Variants in SPECC1L observed in about 807,000 individuals in gnomAD.
SPECC1L encodes sperm antigen with calponin homology and coiled-coil domains 1 like.
In SPECC1L, 40 loss-of-function variants were observed where a neutral mutation model predicts 116.8. The observed-to-expected ratio is 0.34, with a 90% confidence interval of 0.27 to 0.45. SPECC1L has a LOEUF of 0.45. Ranked by LOEUF, SPECC1L falls within the 20% of genes least tolerant of loss-of-function variation. SPECC1L has a pLI of 1.00. For missense variants in SPECC1L, 1,110 were observed against 1,373.6 expected (o/e 0.81, Z 3.03); for synonymous variants, 504 against 500.6 (o/e 1.01, Z -0.09).
At chr22:24,324,136 T>C (rs2040772991) in intron 5 of SPECC1L, 84 bp from the exon 6 acceptor site, 3 of 1,146,254 alleles carry the variant, frequency 2.6e-6, no homozygotes, top group Admixed American at 1.7e-5. Context: ...TAGCTCCCCT[T>C]GGAAACTGTG....
intron 14 of SPECC1L, among the ~76,000 whole-genome samples, chr22:24,402,692 G>A (rs902805240): frequency 2.6e-5 from 4 of 152,176 alleles, no homozygotes; most frequent in Non-Finnish European, 5.9e-5. Context: ...ATGAGGAAGT[G>A]GATGCTTGCA....
chr22:24,416,201 G>C lies in SPECC1L; in HGVS notation c.*1578G>C, dbSNP rs2042798228. The stretch of plus-strand genomic sequence containing the variant: ...GAAAGGGGCTGTGCATGTGGGTGCA[G>C]CTGGCGGCACACCTGGTCACCAGAT... On this transcript the variant is annotated 3_prime_UTR_variant, in exon 17 of 17. Coordinates refer to ENST00000314328, the MANE Select transcript of SPECC1L (RefSeq NM_015330.6). 1 of 152,280 alleles carries C rather than the reference G, an allele frequency of 6.6e-6. No homozygotes were observed. The highest frequency in any genetic ancestry group is 1.5e-5 in the Non-Finnish European group (1 of 68,054). 9.4% of individuals were successfully genotyped at this position (152,280 alleles called of 1,614,324 possible).
intron 4 of SPECC1L, among the ~76,000 whole-genome samples, chr22:24,320,711 T>G (rs557493913): frequency 3.3e-5 from 5 of 152,388 alleles, no homozygotes; most frequent in African/African-American, 2.4e-5. Context: ...GCTATTGTTA[T>G]AATTGTTATT....
At chr22:24,385,216 A>G (rs2146710470) in intron 14 of SPECC1L, among the ~76,000 whole-genome samples, 1 of 152,250 alleles carries the variant, frequency 6.6e-6, no homozygotes, top group East Asian at 1.9e-4. Flanking sequence ...AAAATCACAT[A>G]TTAGCAAAGT....
At chr22:24,341,289 A>T (rs1176443163) in intron 10 of SPECC1L, among the ~76,000 whole-genome samples, 1 of 152,244 alleles carries the variant, frequency 6.6e-6, no homozygotes, top group African/African-American at 2.4e-5. Flanking sequence ...CCCCACAAGG[A>T]TAATTTTCCA....
At chr22:24,277,404 A>T (rs2048857515) in intron 2 of SPECC1L, among the ~76,000 whole-genome samples, 1 of 152,256 alleles carries the variant, frequency 6.6e-6, no homozygotes, top group African/African-American at 2.4e-5. Context: ...CTTAAAATTC[A>T]GGCTTTTAAA....
chr22:24,322,258 G>A lies in SPECC1L; in HGVS notation c.1278G>A (p.Gln426=). 6.2e-7 allele frequency: 1 copy of A among 1,614,246 alleles called. No individual in the cohort carries two copies. Among genetic ancestry groups the A allele is most frequent in the Non-Finnish European group, 8.5e-7 (1 of 1,180,052 alleles). The change falls in exon 5 of 17, where the codon CAG becomes CAA. Residue 426 remains glutamine (Q), a synonymous_variant. Coordinates refer to ENST00000314328, the MANE Select transcript of SPECC1L (RefSeq NM_015330.6). ...TGCAAGAGCTAGCTGATTTACAGCA[G>A]ATTACCCAGGAACTGAATAGTGAAA... ...ATLQELADLQ[Q]ITQELNSENE...
chr22:24,395,971 A>C (rs2042360363), intron 14 of SPECC1L, among the ~76,000 whole-genome samples: 1 of 152,174 alleles, frequency 6.6e-6, no homozygotes, highest in Non-Finnish European at 1.5e-5. Flanking sequence ...ACGGATTAAA[A>C]AAAGGCTTTG....
chr22:24,361,726 G>A (rs905319077), intron 11 of SPECC1L, among the ~76,000 whole-genome samples: 1 of 152,194 alleles, frequency 6.6e-6, no homozygotes, highest in East Asian at 1.9e-4. Flanking sequence ...AGCCTGGGAG[G>A]CAGAGGTTGC....
chr22:24,353,738 C>T (rs1473538188), intron 11 of SPECC1L, among the ~76,000 whole-genome samples: 1 of 152,050 alleles, frequency 6.6e-6, no homozygotes, highest in Non-Finnish European at 1.5e-5. Context: ...AGGGATACTG[C>T]AGAGGTGATG....
At position 24,322,401 on chromosome 22, in the gene SPECC1L, A is replaced by G. The variant is rs767313233; in HGVS notation, c.1421A>G (p.His474Arg). The G allele has an allele frequency of 1.9e-6, 3 of 1,614,228 alleles. No individual in the cohort carries two copies. Among genetic ancestry groups the G allele is most frequent in the Non-Finnish European group, 2.5e-6 (3 of 1,180,040 alleles). The part of the protein sequence containing the change: ...EYFRSLLDEH[H>R]ISYVIDEDVK... Reference sequence around the variant, plus strand: ...TTCCGCTCTCTTCTAGATGAGCATCACATTTCTTATGTCATAGATGAAGAT... The same window carrying G: ...TTCCGCTCTCTTCTAGATGAGCATCGCATTTCTTATGTCATAGATGAAGAT... Residue 474 changes from histidine to arginine, a missense_variant, in exon 5 of 17, where the codon CAC (histidine) becomes CGC (arginine). Physicochemically the swap from His to Arg is conservative, Grantham distance 29 (BLOSUM62 0). Transcript: ENST00000314328.
At chr22:24,278,500 T>C (rs1222926752) in intron 2 of SPECC1L, among the ~76,000 whole-genome samples, 1 of 152,174 alleles carries the variant, frequency 6.6e-6, no homozygotes, top group Admixed American at 6.5e-5. Flanking sequence ...TAATATTGCA[T>C]AATATAAATA....
intron 14 of SPECC1L, among the ~76,000 whole-genome samples, chr22:24,374,466 T>C (rs1033944277): frequency 2.0e-5 from 3 of 152,092 alleles, no homozygotes; most frequent in Admixed American, 6.5e-5. Context: ...GTTCATGTCC[T>C]TTGTAGGGAC....
intron 6 of SPECC1L, among the ~76,000 whole-genome samples, chr22:24,326,421 A>G (rs1459880795): frequency 1.3e-5 from 2 of 152,184 alleles, no homozygotes; most frequent in African/African-American, 4.8e-5. Context: ...TTCCAGAGCC[A>G]TCCTTGCCTC....
intron 4 of SPECC1L, among the ~76,000 whole-genome samples, chr22:24,317,437 G>A (rs1321633382): frequency 2.4e-5 from 3 of 125,296 alleles, no homozygotes; most frequent in Non-Finnish European, 5.4e-5. Context: ...CCGGGCGGGG[G>A]GCTGACCCCC....
intron 14 of SPECC1L, among the ~76,000 whole-genome samples, chr22:24,392,384 T>G (rs1004836692): frequency 1.3e-5 from 2 of 152,270 alleles, no homozygotes; most frequent in Admixed American, 6.5e-5. Context: ...ATCATTGTTT[T>G]CTTGTGCTTC....
In SPECC1L at chr22:24,389,109, ATT is replaced by A. The variant is rs763818960; in HGVS notation, c.3087+19810_3087+19811del. ...AGTACTTCACTCCTTTCTATAACTGATTTTTTTTTTTTTTTTTTTTTTGGAGA... is the reference window on the plus strand; with the variant it reads ...AGTACTTCACTCCTTTCTATAACTGATTTTTTTTTTTTTTTTTTTTGGAGA... On this transcript the variant is annotated intron_variant, in intron 14 of 16. Coordinates refer to ENST00000314328, the MANE Select transcript of SPECC1L (RefSeq NM_015330.6). Among the ~76,000 whole-genome samples, 48 of 99,934 alleles carry A rather than the reference ATT, an allele frequency of 4.8e-4. 1 individual carries two copies. In the South Asian group the frequency reaches 0.013, roughly 26 times the overall value. The allele number at this position is 99,934 out of a possible 152,430, so 65.6% of individuals were successfully genotyped here.
At chr22:24,290,536 T>C (rs774555144) in intron 2 of SPECC1L, among the ~76,000 whole-genome samples, 3 of 152,216 alleles carry the variant, frequency 2.0e-5, no homozygotes, top group African/African-American at 4.8e-5. Context: ...TCAGTAAGCA[T>C]TGAAGTTTTT....
chr22:24,371,063 G>A (rs2041861726), intron 14 of SPECC1L, among the ~76,000 whole-genome samples: 2 of 152,000 alleles, frequency 1.3e-5, no homozygotes, highest in South Asian at 4.2e-4. Flanking sequence ...TGGTTAAAAT[G>A]ATTTTTTATG....
Sources: gnomAD v4.1 joint callset for allele counts (sites outside exome capture counted in the v4.1 genomes callset) on GRCh38, gnomAD v4.1.1 for gene constraint, MANE v1.5 for transcripts, NCBI Gene and HGNC (gene_info 2026-07-23, HGNC 2026-07-21) for gene names.